MCMBP: variants seen among roughly 807,000 people sequenced by gnomAD.
MCMBP encodes minichromosome maintenance complex binding protein.
In MCMBP, 31 loss-of-function variants were observed where a neutral mutation model predicts 81.3. That is an observed-to-expected ratio of 0.38 (90% CI 0.29 to 0.51). MCMBP has a LOEUF of 0.51. MCMBP is among the 20% of genes least tolerant of loss of function. The probability of loss-of-function intolerance (pLI) is 0.87; values close to 1 mark genes in which losing one functional copy is unlikely to be tolerated. For synonymous variants in MCMBP, 267 were observed against 275.9 expected, an observed-to-expected ratio of 0.97 and a Z score of 0.32; for missense variants, 645 against 772.1, an observed-to-expected ratio of 0.84 and a Z score of 1.95.
At chr10:119,855,769 A>G (rs1376354573) in intron 5 of MCMBP, among the ~76,000 whole-genome samples, 1 of 152,222 alleles carries the variant, frequency 6.6e-6, no homozygotes, top group Non-Finnish European at 1.5e-5. Context: ...AATTGAAGTG[A>G]AAAATAGACT....
chr10:119,845,553 C>T (rs777246711), intron 8 of MCMBP, among the ~76,000 whole-genome samples: 4 of 151,860 alleles, frequency 2.6e-5, no homozygotes, highest in Non-Finnish European at 5.9e-5. Context: ...ACTGTGGTTC[C>T]CTAAGGAGGC....
intron 6 of MCMBP, among the ~76,000 whole-genome samples, chr10:119,851,460 GTCTC>G (rs1291642425): frequency 6.6e-6 from 1 of 152,070 alleles, no homozygotes; most frequent in African/African-American, 2.4e-5. Context: ...TTGAGATGGA[GTCTC>G]TCTGTCACTC....
chr10:119,859,910 G>A (rs888173797), intron 1 of MCMBP, 26 bp from the exon 2 acceptor site: 2 of 1,533,902 alleles, frequency 1.3e-6, no homozygotes. Flanking sequence ...ACTTTTCAAA[G>A]CTAATGTACA....
intron 10 of MCMBP, among the ~76,000 whole-genome samples, 161 bp downstream of exon 10, chr10:119,842,311 G>A (rs1279483416): frequency 6.6e-6 from 1 of 152,094 alleles, no homozygotes. Context: ...GTGAGAAAAG[G>A]AATTTGTCTG....
In MCMBP at chr10:119,842,481, A is replaced by C. The variant is rs746579213; in HGVS notation, c.1115T>G (p.Ile372Ser). The change falls in exon 10 of 16, where the codon ATC (isoleucine) becomes AGC (serine). Residue 372 changes from isoleucine (I) to serine (S), a missense_variant. Coordinates refer to ENST00000369077, the MANE Select transcript of MCMBP (RefSeq NM_001256378.2). ...LAAEYLILHL[I>S]STVYTRRDVL... is the part of the protein sequence containing the mutation. ...AGGATACAGCACTTACACTGTGGAG[A>C]TGAGATGTAATATAAGGTATTCAGC... 6.2e-7 allele frequency: 1 copy of C among 1,613,230 alleles called. No individual in the cohort carries two copies. The highest frequency in any genetic ancestry group is 2.2e-5 in the East Asian group (1 of 44,852).
intron 6 of MCMBP, among the ~76,000 whole-genome samples, chr10:119,849,953 TATTA>T (rs1446106075): frequency 3.3e-5 from 5 of 152,332 alleles, no homozygotes; most frequent in African/African-American, 7.2e-5. Flanking sequence ...ATACTTTTTC[TATTA>T]ATTAAGCAGA....
chr10:119,857,409 G>A lies in MCMBP; in HGVS notation c.358C>T (p.Arg120Ter), dbSNP rs1564883344. 2 of 1,610,736 alleles carry A rather than the reference G, an allele frequency of 1.2e-6. No individual in the cohort carries two copies. Among genetic ancestry groups the A allele is most frequent in the Non-Finnish European group, 1.7e-6 (2 of 1,177,660 alleles). ...GTCTGTCTTTCCAAAGTGGTATTTC[G>A]TGGAGAGTTTAAATCAAGTTCTTGT... ...PQQELDLNSP[R>*]NTTLERQTFY... is the part of the protein sequence containing the mutation. The change falls in exon 5 of 16, where the codon CGA becomes TGA. Residue 120 changes from arginine (R) to a stop codon, truncating the protein, a stop_gained. Transcript: ENST00000369077. LOFTEE classifies it high-confidence loss of function.
intron 5 of MCMBP, among the ~76,000 whole-genome samples, chr10:119,853,736 T>G (rs1280005689): frequency 6.6e-6 from 1 of 152,230 alleles, no homozygotes; most frequent in African/African-American, 2.4e-5. Flanking sequence ...CCCTGAGGAC[T>G]AGCAGAGAAC....
chr10:119,835,294 A>G (rs1852200603), intron 14 of MCMBP, among the ~76,000 whole-genome samples: 1 of 152,228 alleles, frequency 6.6e-6, no homozygotes, highest in Non-Finnish European at 1.5e-5. Flanking sequence ...TTATACTAAC[A>G]TGTTAAGTTT....
In MCMBP at chr10:119,872,832, A is replaced by G. The variant is rs1853750310; in HGVS notation, c.-248T>C. On this transcript the variant is annotated 5_prime_UTR_variant, in exon 1 of 16. Transcript: ENST00000369077. Reference sequence around the variant, plus strand: ...GGGCGCGTACGGGCCCCTAGCCTTCACTTCGCACAATGGCGGGAAATAGCC... The same window carrying G: ...GGGCGCGTACGGGCCCCTAGCCTTCGCTTCGCACAATGGCGGGAAATAGCC... 1 of 163,472 alleles carries G rather than the reference A, an allele frequency of 6.1e-6. No homozygotes were observed. The highest frequency in any genetic ancestry group is 2.4e-5 in the African/African-American group (1 of 41,512). 10.1% of individuals were successfully genotyped at this position (163,472 alleles called of 1,614,324 possible). A position where few individuals can be genotyped will look rare whatever the true frequency, so the allele number is the denominator to read the frequency against.
chr10:119,837,606 A>G (rs1852290386), intron 12 of MCMBP, among the ~76,000 whole-genome samples: 1 of 152,122 alleles, frequency 6.6e-6, no homozygotes. Context: ...AACCATTTAC[A>G]AACTTTACAA....
At chr10:119,872,013 A>C (rs531579562) in intron 1 of MCMBP, among the ~76,000 whole-genome samples, 1 of 152,330 alleles carries the variant, frequency 6.6e-6, no homozygotes, top group African/African-American at 2.4e-5. Flanking sequence ...ATTAAATCTT[A>C]TCTCTGAAAG....
In MCMBP at chr10:119,857,359, C is replaced by G; in HGVS notation, c.408G>C (p.Gly136=). Residue 136 remains glycine (G), a synonymous_variant, in exon 5 of 16, where the codon GGG becomes GGC. Transcript: ENST00000369077. Reference sequence around the variant, plus strand: ...ATATTTCTTTTACCCACGTAGATTCCCCAGGCACCGGAACACAATAGAAAG... The same window carrying G: ...ATATTTCTTTTACCCACGTAGATTCGCCAGGCACCGGAACACAATAGAAAG... The part of the protein sequence containing the change: ...RQTFYCVPVP[G]ESTWVKEAYV... 1 of 1,609,354 alleles carries G rather than the reference C, an allele frequency of 6.2e-7. No individual in the cohort carries two copies. The highest frequency in any genetic ancestry group is 1.7e-5 in the Admixed American group (1 of 59,862).
intron 8 of MCMBP, among the ~76,000 whole-genome samples, chr10:119,845,814 G>C (rs530429376): frequency 1.7e-4 from 26 of 152,298 alleles, no homozygotes; most frequent in African/African-American, 6.0e-4. Flanking sequence ...GTATATGGTA[G>C]AAATGGGGAA....
At chr10:119,859,275 T>TACACAC (rs34034506) in intron 2 of MCMBP, 94 bp from the exon 3 acceptor site, 19 of 615,928 alleles carry the variant, frequency 3.1e-5, no homozygotes, top group African/African-American at 7.6e-5. Context: ...CTCAAACTGT[T>TACACAC]ACACACACAC....
intron 2 of MCMBP, 117 bp from the exon 3 acceptor site, chr10:119,859,298 A>G: frequency 1.3e-6 from 1 of 768,036 alleles, no homozygotes; most frequent in Non-Finnish European, 2.0e-6. Context: ...ACACACACAC[A>G]CACACACCCA....
chr10:119,872,904 G>A (rs1853756731), upstream of MCMBP: 1 of 152,496 alleles, frequency 6.6e-6, no homozygotes, highest in African/African-American at 2.4e-5. Flanking sequence ...CGCGTGGGGA[G>A]GGGCGGCGGG....
At chr10:119,836,757 GTT>G (rs199759464) in intron 13 of MCMBP, 137 bp downstream of exon 13, 30 of 296,874 alleles carry the variant, frequency 1.0e-4, no homozygotes, top group African/African-American at 5.8e-4. Flanking sequence ...AGCAGTCACA[GTT>G]TTTTTTTTTT....
At chr10:119,868,026 C>G (rs1183880084) in intron 1 of MCMBP, among the ~76,000 whole-genome samples, 1 of 152,218 alleles carries the variant, frequency 6.6e-6, no homozygotes, top group Non-Finnish European at 1.5e-5. Context: ...CTTCACCCAA[C>G]CCTGCTCTTT....
Sources: gnomAD v4.1 joint callset for allele counts (sites outside exome capture counted in the v4.1 genomes callset) on GRCh38, gnomAD v4.1.1 for gene constraint, MANE v1.5 for transcripts, NCBI Gene and HGNC (gene_info 2026-07-23, HGNC 2026-07-21) for gene names.